Variants in RBM33 observed in about 807,000 individuals in gnomAD.
RBM33 encodes RNA binding motif protein 33, also known as RNA-binding protein 33.
In RBM33, 28 loss-of-function variants were observed where a neutral mutation model predicts 132.6. That is an observed-to-expected ratio of 0.21 (90% CI 0.16 to 0.29). RBM33 has a LOEUF of 0.29. Ranked by LOEUF, RBM33 falls within the 10% of genes least tolerant of loss-of-function variation. The probability of loss-of-function intolerance (pLI) is 1.00; values close to 1 mark genes in which losing one functional copy is unlikely to be tolerated. For missense variants in RBM33, 1,291 were observed against 1,518.5 expected, an observed-to-expected ratio of 0.85 and a Z score of 2.49; for synonymous variants, 634 against 593.0, an observed-to-expected ratio of 1.07 and a Z score of -1.01.
intron 6 of RBM33, among the ~76,000 whole-genome samples, chr7:155,703,857 ATTAT>A (rs2116963594): frequency 6.6e-6 from 1 of 152,340 alleles, no homozygotes; most frequent in South Asian, 2.1e-4. Context: ...TGTAGAAATA[ATTAT>A]TTGATTGTGT....
intron 1 of RBM33, among the ~76,000 whole-genome samples, chr7:155,652,362 A>G (rs1278104417): frequency 6.6e-6 from 1 of 152,198 alleles, no homozygotes; most frequent in Non-Finnish European, 1.5e-5. Flanking sequence ...GTGTTCCATT[A>G]AAAGCTTATT....
rs533999647 is a variant in RBM33 at position 155,660,604 on chromosome 7, A to T, written c.44-4571A>T. Among the ~76,000 whole-genome samples, 4 of 152,266 alleles carry T rather than the reference A, an allele frequency of 2.6e-5. No homozygotes were observed. The South Asian group carries it at 8.3e-4, about 32-fold the overall frequency. On this transcript the variant is annotated intron_variant, in intron 1 of 17. Transcript: ENST00000401878. ...TCTGGCTGCTTCTGTTTTGATGAGA[A>T]TCAACTATTGCACTTCCATTGTAGG...
chr7:155,706,819 C>A (rs1313800641), intron 6 of RBM33, 41 bp from the exon 7 acceptor site: 3 of 1,500,022 alleles, frequency 2.0e-6, no homozygotes, highest in Admixed American at 3.9e-5. Flanking sequence ...CCAGTTTGGG[C>A]TCTCGGAAAG....
intron 5 of RBM33, among the ~76,000 whole-genome samples, chr7:155,681,656 G>A (rs890889051): frequency 6.6e-6 from 1 of 152,080 alleles, no homozygotes; most frequent in Non-Finnish European, 1.5e-5. Context: ...GGGTTTTTGG[G>A]AACACTATGG....
At position 155,766,644 on chromosome 7, in the gene RBM33, G is replaced by A; in HGVS notation, c.3364G>A (p.Gly1122Arg). 6.2e-7 allele frequency: 1 copy of A among 1,610,994 alleles called. No homozygotes were observed. Among genetic ancestry groups the A allele is most frequent in the Non-Finnish European group, 8.5e-7 (1 of 1,178,618 alleles). The change falls in exon 16 of 18, where the codon GGA (glycine) becomes AGA (arginine). Residue 1122 changes from glycine to arginine, a missense_variant. By Grantham distance (125) the Gly-to-Arg change is moderately radical. Transcript: ENST00000401878. ...GCTGAAGAGCCTGCTGATGTCAGTG[G>A]GACCCATTCAGGTAGCCGCCTGGGG... ...AQLKSLLMSV[G>R]PIQSLQMLPQ...
chr7:155,735,530 C>T (rs1437502305), intron 9 of RBM33, among the ~76,000 whole-genome samples: 1 of 152,062 alleles, frequency 6.6e-6, no homozygotes, highest in African/African-American at 2.4e-5. Context: ...CATAGCAAGA[C>T]CCTGCCTCTA....
chr7:155,777,789 G>T lies in RBM33; in HGVS notation c.*2748G>T, dbSNP rs1015247700. 6.6e-6 allele frequency: 1 copy of T among 152,640 alleles called. No homozygotes were observed. The highest frequency in any genetic ancestry group is 6.5e-5 in the Admixed American group (1 of 15,278). The allele number at this position is 152,640 out of a possible 1,614,324, so 9.5% of individuals were successfully genotyped here. A position where few individuals can be genotyped will look rare whatever the true frequency, so the allele number is the denominator to read the frequency against. The stretch of plus-strand genomic sequence containing the variant: ...GTTCCACAGTTGTTGATGTGTTTGT[G>T]TGTATATTCGATTTTTATAAAGATG... On this transcript the variant is annotated 3_prime_UTR_variant, in exon 18 of 18. Transcript: ENST00000401878.
At position 155,745,387 on chromosome 7, in the gene RBM33, A is replaced by G; in HGVS notation, c.2764A>G (p.Ser922Gly). The G allele has an allele frequency of 6.2e-7, 1 of 1,613,490 alleles. No homozygotes were observed. Among genetic ancestry groups the G allele is most frequent in the Non-Finnish European group, 8.5e-7 (1 of 1,179,668 alleles). ...GAGACAGACCAGAACAGTTCCTCAAAGTCAGACTCAGCCGCTGCATAAAGT... is the reference window on the plus strand; with the variant it reads ...GAGACAGACCAGAACAGTTCCTCAAGGTCAGACTCAGCCGCTGCATAAAGT... Reference protein sequence around the residue: ...HLRQTRTVPQSQTQPLHKVLP... With the variant: ...HLRQTRTVPQGQTQPLHKVLP... Residue 922 changes from serine (S) to glycine (G), a missense_variant, in exon 14 of 18, where the codon AGT (serine) becomes GGT (glycine). This residue lies in a region of RBM33 where 841 missense variants were observed against 912.0 expected (regional missense o/e 0.92). Transcript: ENST00000401878. This position sits in a 1 kb window ranked among gnomAD's most constrained non-coding sequence, Gnocchi z 4.1.
chr7:155,724,990 T>TTTTG (rs71186056), intron 9 of RBM33, among the ~76,000 whole-genome samples: 3,104 of 123,350 alleles, frequency 0.025, 55 homozygotes, highest in East Asian at 0.046. Flanking sequence ...GTGTACAGGT[T>TTTTG]TGTGTGTGTG....
chr7:155,657,024 G>T (rs1317899066), intron 1 of RBM33, among the ~76,000 whole-genome samples: 1 of 151,678 alleles, frequency 6.6e-6, no homozygotes, highest in Non-Finnish European at 1.5e-5. Context: ...ATATTATGTG[G>T]TCAAGAAATA....
chr7:155,712,023 T>G (rs1218882950), intron 8 of RBM33, among the ~76,000 whole-genome samples: 1 of 152,266 alleles, frequency 6.6e-6, no homozygotes, highest in Non-Finnish European at 1.5e-5. Context: ...TTTAAAAATG[T>G]GTATCTCTTA....
At chr7:155,696,808 C>T (rs1799806519) in intron 5 of RBM33, among the ~76,000 whole-genome samples, 1 of 152,176 alleles carries the variant, frequency 6.6e-6, no homozygotes, top group Non-Finnish European at 1.5e-5. Flanking sequence ...TCTCTCCATT[C>T]CCCTTTGTTG....
At chr7:155,647,989 G>T (rs975134143) in intron 1 of RBM33, among the ~76,000 whole-genome samples, 11 of 152,248 alleles carry the variant, frequency 7.2e-5, no homozygotes, top group African/African-American at 2.2e-4. Flanking sequence ...TAGTGAGTGC[G>T]TTATCTCACT....
At chr7:155,662,942 G>A (rs917969591) in intron 1 of RBM33, among the ~76,000 whole-genome samples, 2 of 152,170 alleles carry the variant, frequency 1.3e-5, no homozygotes, top group Non-Finnish European at 2.9e-5. Context: ...GGATGAAGAG[G>A]GGTGGGTCCT....
chr7:155,773,721 A>G (rs1169787827), intron 16 of RBM33, among the ~76,000 whole-genome samples: 6 of 152,106 alleles, frequency 3.9e-5, no homozygotes, highest in African/African-American at 1.4e-4. Context: ...GCCACTGAAC[A>G]GATCCACAGA....
intron 14 of RBM33, among the ~76,000 whole-genome samples, chr7:155,761,201 G>C (rs1414313560): frequency 6.6e-6 from 1 of 152,200 alleles, no homozygotes; most frequent in African/African-American, 2.4e-5. Context: ...CGTGTTGCTA[G>C]ATTTAGTCTG....
At position 155,718,579 on chromosome 7, in the gene RBM33, T is replaced by C. The variant is rs1800534092; in HGVS notation, c.1260+136T>C. ...CAAATATTGACAATAATCTCTGCAA[T>C]AGAAAATGTTTGTTAAAAGCTTAAG... is the stretch of plus-strand genomic sequence containing the variant. On this transcript the variant is annotated intron_variant, in intron 9 of 17. Transcript: ENST00000401878. The C allele has an allele frequency of 1.0e-5, 7 of 701,494 alleles. No individual in the cohort carries two copies. The South Asian group carries it at 1.4e-4, about 14-fold the overall frequency. 43.5% of individuals were successfully genotyped at this position (701,494 alleles called of 1,614,324 possible).
intron 9 of RBM33, among the ~76,000 whole-genome samples, chr7:155,729,627 C>G (rs1240881398): frequency 6.6e-6 from 1 of 151,492 alleles, no homozygotes; most frequent in Non-Finnish European, 1.5e-5. Context: ...GTCCCGGGTT[C>G]TCTGGAGGCT....
chr7:155,757,352 C>A (rs1046055553), intron 14 of RBM33, among the ~76,000 whole-genome samples: 5 of 152,006 alleles, frequency 3.3e-5, no homozygotes, highest in Admixed American at 6.6e-5. Context: ...AATAATTGTT[C>A]TTTTAATTAG....
Sources: gnomAD v4.1 joint callset for allele counts (sites outside exome capture counted in the v4.1 genomes callset) on GRCh38, gnomAD v4.1.1 for gene constraint, gnomAD v4.1.1 regional missense constraint, Gnocchi (gnomAD v3.1) non-coding constraint, MANE v1.5 for transcripts, NCBI Gene and HGNC (gene_info 2026-07-23, HGNC 2026-07-21) for gene names.